Variants in LRFN5 observed in about 807,000 individuals in gnomAD.
LRFN5 encodes the protein leucine rich repeat and fibronectin type III domain containing 5.
LRFN5 carries 24 observed loss-of-function variants against 45.6 expected under a neutral mutation model. That is an observed-to-expected ratio of 0.53 (90% confidence interval 0.38 to 0.74). LRFN5 has a LOEUF of 0.74. Ranked by LOEUF, LRFN5 falls within the 30% of genes least tolerant of loss-of-function variation. LRFN5 has a pLI of 0.00. For missense variants in LRFN5, 776 were observed against 861.5 expected, an observed-to-expected ratio of 0.90 and a Z score of 1.24; for synonymous variants, 340 against 313.8, an observed-to-expected ratio of 1.08 and a Z score of -0.88.
chr14:41,816,251 T>TCA (rs1487913657), intron 2 of LRFN5, among the ~76,000 whole-genome samples: 1 of 152,112 alleles, frequency 6.6e-6, no homozygotes, highest in Non-Finnish European at 1.5e-5. Context: ...GTCATTCATT[T>TCA]CACACACATA....
At chr14:41,888,832 A>G (rs1890670914) in intron 3 of LRFN5, among the ~76,000 whole-genome samples, 1 of 152,084 alleles carries the variant, frequency 6.6e-6, no homozygotes, top group South Asian at 2.1e-4. Flanking sequence ...TCATTGATTT[A>G]TAGTCACATC....
chr14:41,834,956 C>T (rs888275405), intron 2 of LRFN5, among the ~76,000 whole-genome samples: 2 of 151,700 alleles, frequency 1.3e-5, no homozygotes, highest in African/African-American at 2.4e-5. Flanking sequence ...AGCCACCACA[C>T]CCAGCCTGGG....
intron 1 of LRFN5, among the ~76,000 whole-genome samples, chr14:41,736,444 G>A (rs1212934567): frequency 1.3e-5 from 2 of 151,862 alleles, no homozygotes; most frequent in African/African-American, 4.8e-5. Context: ...CCCACTTTTT[G>A]ATTTTTTTTC....
At chr14:41,706,681 T>G (rs1883081024) in intron 1 of LRFN5, among the ~76,000 whole-genome samples, 1 of 152,210 alleles carries the variant, frequency 6.6e-6, no homozygotes, top group African/African-American at 2.4e-5. Context: ...TTGTTTTAAT[T>G]TTATATTGAG....
intron 2 of LRFN5, among the ~76,000 whole-genome samples, chr14:41,880,025 T>C (rs1336945280): frequency 1.3e-5 from 2 of 149,850 alleles, no homozygotes. Flanking sequence ...CCTCCTGGGT[T>C]CGCGTCAGTC....
chr14:41,653,421 C>T (rs1418225868), intron 1 of LRFN5, among the ~76,000 whole-genome samples: 1 of 152,028 alleles, frequency 6.6e-6, no homozygotes, highest in African/African-American at 2.4e-5. Context: ...AATAGAGAAT[C>T]CTAATATTAA....
intron 2 of LRFN5, among the ~76,000 whole-genome samples, chr14:41,772,266 C>T (rs1886117049): frequency 6.6e-6 from 1 of 152,210 alleles, no homozygotes; most frequent in African/African-American, 2.4e-5. Flanking sequence ...ACCTCCAACA[C>T]TGGGGATTAC....
chr14:41,804,947 A>C (rs1887467514), intron 2 of LRFN5, among the ~76,000 whole-genome samples: 1 of 152,114 alleles, frequency 6.6e-6, no homozygotes, highest in African/African-American at 2.4e-5. Context: ...TAATTCTAGA[A>C]ATTATTGTTA....
At chr14:41,813,655 G>T (rs1887815386) in intron 2 of LRFN5, among the ~76,000 whole-genome samples, 1 of 152,124 alleles carries the variant, frequency 6.6e-6, no homozygotes. Context: ...ATAAACATAT[G>T]TGTGCGTGTG....
chr14:41,708,118 A>G (rs1265674187), intron 1 of LRFN5, among the ~76,000 whole-genome samples: 2 of 152,062 alleles, frequency 1.3e-5, no homozygotes, highest in Non-Finnish European at 1.5e-5. Flanking sequence ...AGTATTTCAT[A>G]TTAGTACTTT....
At chr14:41,860,544 A>G (rs1376285988) in intron 2 of LRFN5, among the ~76,000 whole-genome samples, 1 of 152,168 alleles carries the variant, frequency 6.6e-6, no homozygotes, top group African/African-American at 2.4e-5. Context: ...TGTACACACA[A>G]TATATATTAT....
At chr14:41,708,001 A>T (rs1883136389) in intron 1 of LRFN5, among the ~76,000 whole-genome samples, 1 of 152,108 alleles carries the variant, frequency 6.6e-6, no homozygotes, top group African/African-American at 2.4e-5. Flanking sequence ...TGAGCAATAA[A>T]TAAGATGACA....
intron 1 of LRFN5, among the ~76,000 whole-genome samples, chr14:41,664,539 A>C (rs941632497): frequency 1.4e-4 from 21 of 151,984 alleles, no homozygotes; most frequent in African/African-American, 5.1e-4. Context: ...GTTCATGCCT[A>C]TAATCCCAGT....
chr14:41,792,869 G>A (rs1886977875), intron 2 of LRFN5, among the ~76,000 whole-genome samples: 1 of 151,872 alleles, frequency 6.6e-6, no homozygotes, highest in Non-Finnish European at 1.5e-5. Context: ...TTAAAGACAG[G>A]CATAACAAAT....
At chr14:41,681,805 T>A (rs2138686543) in intron 1 of LRFN5, among the ~76,000 whole-genome samples, 1 of 91,910 alleles carries the variant, frequency 1.1e-5, no homozygotes, top group Non-Finnish European at 1.9e-5. Context: ...ATTTTATTTA[T>A]TTATTTATTT....
chr14:41,674,068 CG>C (rs529558418), intron 1 of LRFN5, among the ~76,000 whole-genome samples: 10 of 144,554 alleles, frequency 6.9e-5, no homozygotes, highest in African/African-American at 2.3e-4. Context: ...GCTGGCTGGG[CG>C]GGGGGCTGAC....
intron 1 of LRFN5, among the ~76,000 whole-genome samples, chr14:41,758,394 T>C (rs1232753651): frequency 6.6e-6 from 1 of 152,240 alleles, no homozygotes; most frequent in African/African-American, 2.4e-5. Flanking sequence ...TAAACTACTT[T>C]CAAAGAAGTA....
At chr14:41,686,204 AG>A (rs1366150031) in intron 1 of LRFN5, among the ~76,000 whole-genome samples, 6 of 151,712 alleles carry the variant, frequency 4.0e-5, no homozygotes, top group Admixed American at 3.3e-4. Context: ...CTGTATTCCT[AG>A]GTATTTTATT....
At chr14:41,659,132 CA>C (rs1420690071) in intron 1 of LRFN5, among the ~76,000 whole-genome samples, 1 of 151,876 alleles carries the variant, frequency 6.6e-6, no homozygotes, top group East Asian at 1.9e-4. Context: ...ATACATTTGC[CA>C]TGGTGGTTTG....
Sources: allele counts gnomAD v4.1 joint callset (sites outside exome capture counted in the v4.1 genomes callset), GRCh38; gene constraint gnomAD v4.1.1; transcripts MANE v1.5; gene names NCBI Gene and HGNC (gene_info 2026-07-23, HGNC 2026-07-21).